Variants in DNAJC1 observed in about 807,000 individuals in gnomAD.
DNAJC1 encodes the protein dnaJ homolog subfamily C member 1.
In DNAJC1, 58 loss-of-function variants were observed where a neutral mutation model predicts 76.6. The ratio of observed to expected loss-of-function variants is 0.76; its 90% CI spans 0.61 to 0.94. The LOEUF is 0.94. DNAJC1 is among the 40% of genes least tolerant of loss of function. The probability of loss-of-function intolerance (pLI) is 0.00; values close to 1 mark genes in which losing one functional copy is unlikely to be tolerated. For synonymous variants in DNAJC1, 258 were observed against 267.9 expected (o/e 0.96, Z 0.36); for missense variants, 689 against 677.3 (o/e 1.02, Z -0.19).
intron 6 of DNAJC1, among the ~76,000 whole-genome samples, chr10:21,918,219 T>C (rs1035434428): frequency 4.6e-5 from 7 of 151,844 alleles, no homozygotes; most frequent in Non-Finnish European, 8.8e-5. Flanking sequence ...GACATCTAAA[T>C]ATGATACATA....
At chr10:21,782,230 A>G (rs1834540947) in intron 9 of DNAJC1, among the ~76,000 whole-genome samples, 2 of 152,226 alleles carry the variant, frequency 1.3e-5, no homozygotes, top group African/African-American at 4.8e-5. Context: ...TCCCAGAGAA[A>G]TACTAACTAC....
intron 8 of DNAJC1, among the ~76,000 whole-genome samples, chr10:21,852,504 T>C (rs373230225): frequency 2.0e-5 from 3 of 152,178 alleles, no homozygotes; most frequent in African/African-American, 4.8e-5. Context: ...AAAACTCTTA[T>C]AGCAACAATA....
At chr10:21,900,931 T>TGAACCTGA (rs1467972574) in intron 7 of DNAJC1, among the ~76,000 whole-genome samples, 3 of 152,196 alleles carry the variant, frequency 2.0e-5, no homozygotes, top group Non-Finnish European at 2.9e-5. Context: ...ACTTTCCTCA[T>TGAACCTGA]GAACCTGAGT....
At chr10:21,930,490 T>G (rs555468627) in intron 1 of DNAJC1, among the ~76,000 whole-genome samples, 1 of 152,186 alleles carries the variant, frequency 6.6e-6, no homozygotes, top group Admixed American at 6.5e-5. Context: ...TTATCAATAG[T>G]TTTTAAATAG....
intron 9 of DNAJC1, among the ~76,000 whole-genome samples, chr10:21,800,337 T>C (rs1472034031): frequency 6.6e-6 from 1 of 152,180 alleles, no homozygotes; most frequent in Non-Finnish European, 1.5e-5. Context: ...ATGTGTATTG[T>C]TATAACCTCT....
At chr10:21,991,030 T>C (rs1291274667) in intron 1 of DNAJC1, among the ~76,000 whole-genome samples, 2 of 152,156 alleles carry the variant, frequency 1.3e-5, no homozygotes, top group Non-Finnish European at 2.9e-5. Context: ...ATTGGTATTA[T>C]AAAGAGCCAA....
intron 8 of DNAJC1, among the ~76,000 whole-genome samples, chr10:21,836,877 T>G (rs139086904): frequency 6.6e-6 from 1 of 152,128 alleles, no homozygotes; most frequent in Non-Finnish European, 1.5e-5. Context: ...ACAATAATAA[T>G]GGGAGAGCTC....
intron 6 of DNAJC1, among the ~76,000 whole-genome samples, chr10:21,906,753 A>G (rs968107377): frequency 6.6e-6 from 1 of 152,188 alleles, no homozygotes; most frequent in Non-Finnish European, 1.5e-5. Flanking sequence ...CCATTTTCTC[A>G]TTCATAAAAT....
intron 10 of DNAJC1, among the ~76,000 whole-genome samples, chr10:21,764,758 C>T (rs1834276934): frequency 1.3e-5 from 2 of 152,158 alleles, no homozygotes; most frequent in African/African-American, 4.8e-5. Context: ...AAATAAAACA[C>T]ATAATTTAAT....
At chr10:21,942,663 G>C (rs868781815) in intron 1 of DNAJC1, among the ~76,000 whole-genome samples, 2 of 151,804 alleles carry the variant, frequency 1.3e-5, no homozygotes, top group African/African-American at 4.8e-5. Context: ...AAAATTAGCC[G>C]GGTGTGGCGG....
At chr10:21,967,087 A>T in intron 1 of DNAJC1, among the ~76,000 whole-genome samples, 1 of 147,958 alleles carries the variant, frequency 6.8e-6, no homozygotes. Flanking sequence ...CACACAATTC[A>T]CCTATTTTAA....
chr10:21,915,566 A>C (rs1431080495), intron 6 of DNAJC1, among the ~76,000 whole-genome samples: 1 of 152,148 alleles, frequency 6.6e-6, no homozygotes, highest in Non-Finnish European at 1.5e-5. Flanking sequence ...AAATTCAAGG[A>C]ATTTACGCCA....
chr10:21,959,169 G>C (rs1435802330), intron 1 of DNAJC1, among the ~76,000 whole-genome samples: 1 of 152,004 alleles, frequency 6.6e-6, no homozygotes, highest in East Asian at 1.9e-4. Context: ...CGGTTACCTA[G>C]GCTAGGATGC....
intron 11 of DNAJC1, among the ~76,000 whole-genome samples, 178 bp downstream of exon 11, chr10:21,758,992 T>C (rs373747731): frequency 1.1e-4 from 16 of 152,296 alleles, no homozygotes; most frequent in African/African-American, 3.6e-4. Context: ...ATGAACCACC[T>C]GAATGCACAG....
At chr10:21,763,358 G>C (rs932805247) in intron 10 of DNAJC1, among the ~76,000 whole-genome samples, 1 of 152,142 alleles carries the variant, frequency 6.6e-6, no homozygotes, top group African/African-American at 2.4e-5. Flanking sequence ...AAAGATATTA[G>C]TCTTCAGCGA....
At chr10:21,990,036 A>G (rs1474193269) in intron 1 of DNAJC1, among the ~76,000 whole-genome samples, 1 of 152,226 alleles carries the variant, frequency 6.6e-6, no homozygotes, top group Non-Finnish European at 1.5e-5. Context: ...TTATAACACA[A>G]TGACAGGTTT....
chr10:21,851,923 G>C (rs1835761328), intron 8 of DNAJC1, among the ~76,000 whole-genome samples: 1 of 151,822 alleles, frequency 6.6e-6, no homozygotes, highest in Non-Finnish European at 1.5e-5. Flanking sequence ...CCTGGTGGCG[G>C]GCGCCTGTAG....
chr10:21,988,632 GTTGA>G (rs1257152990), intron 1 of DNAJC1, among the ~76,000 whole-genome samples: 2 of 152,100 alleles, frequency 1.3e-5, no homozygotes, highest in African/African-American at 4.8e-5. Flanking sequence ...TGTCCATTAA[GTTGA>G]TTATTAAAAC....
At chr10:21,958,648 G>A (rs1837734812) in intron 1 of DNAJC1, among the ~76,000 whole-genome samples, 2 of 151,922 alleles carry the variant, frequency 1.3e-5, no homozygotes, top group Admixed American at 6.6e-5. Context: ...GGACAGTCTC[G>A]ATCTCCTCAC....
Sources: gnomAD v4.1 joint callset for allele counts (sites outside exome capture counted in the v4.1 genomes callset) on GRCh38, gnomAD v4.1.1 for gene constraint, MANE v1.5 for transcripts, NCBI Gene and HGNC (gene_info 2026-07-23, HGNC 2026-07-21) for gene names.